The following PAK3 variants were observed in gnomAD, a reference collection of about 807,000 sequenced individuals.
The protein encoded by PAK3 is p21 (RAC1) activated kinase 3.
In PAK3, 4 loss-of-function variants were observed where a neutral mutation model predicts 41.0. The observed-to-expected ratio is 0.10, with a 90% CI of 0.05 to 0.22. PAK3 has a LOEUF of 0.22. PAK3 is among the 10% of genes least tolerant of loss of function. PAK3 has a pLI of 1.00. For synonymous variants in PAK3, 146 were observed against 139.6 expected (o/e 1.05, Z -0.32); for missense variants, 205 against 409.9 (o/e 0.50, Z 4.32).
chrX:111,106,532 C>T (rs2093269536), intron 4 of PAK3, among the ~76,000 whole-genome samples: 1 of 111,421 alleles, frequency 9.0e-6, no homozygotes, highest in Admixed American at 9.5e-5. Context: ...TTAACTACCA[C>T]TGAGATAATC....
At chrX:111,068,291 G>T (rs2092715926) in intron 1 of PAK3, among the ~76,000 whole-genome samples, 1 of 110,639 alleles carries the variant, frequency 9.0e-6, no homozygotes, top group Admixed American at 9.6e-5. Flanking sequence ...ATTCCCATAG[G>T]CTTGTTTTAT....
intron 5 of PAK3, among the ~76,000 whole-genome samples, chrX:111,125,542 T>C (rs2149014919): frequency 9.0e-6 from 1 of 111,436 alleles, no homozygotes; most frequent in African/African-American, 3.3e-5. Context: ...GATTAAAACC[T>C]CCCTAAGAAG....
chrX:111,014,590 T>C (rs1206402809), intron 1 of PAK3, among the ~76,000 whole-genome samples: 1 of 111,312 alleles, frequency 9.0e-6, no homozygotes, highest in African/African-American at 3.3e-5. Flanking sequence ...AAACTGCCTC[T>C]CCCATGAGAC....
At chrX:110,980,522 T>C (rs1476497208) in intron 1 of PAK3, among the ~76,000 whole-genome samples, 1 of 111,220 alleles carries the variant, frequency 9.0e-6, no homozygotes, top group Non-Finnish European at 1.9e-5. Flanking sequence ...TTCTGTCTAT[T>C]GTAGGGGCCA....
chrX:110,955,093 G>A (rs757362946), intron 1 of PAK3, among the ~76,000 whole-genome samples: 2 of 112,059 alleles, frequency 1.8e-5, no homozygotes, highest in Non-Finnish European at 3.8e-5. Flanking sequence ...AAGGATATTT[G>A]GCATCCAGCA....
intron 4 of PAK3, among the ~76,000 whole-genome samples, chrX:111,111,882 C>T (rs1188681543): frequency 9.0e-6 from 1 of 111,499 alleles, no homozygotes; most frequent in Non-Finnish European, 1.9e-5. Flanking sequence ...GGCATCTCTA[C>T]CATCTTTGGC....
intron 1 of PAK3, among the ~76,000 whole-genome samples, chrX:111,057,327 A>C (rs1455315355): frequency 8.9e-6 from 1 of 111,994 alleles, no homozygotes; most frequent in East Asian, 2.8e-4. Flanking sequence ...ATAATTTACA[A>C]TGCATATCCA....
rs1017719713 is a variant in PAK3 at position 111,200,939 on chromosome X, T to A, written c.1407+4299T>A. On this transcript the variant is annotated intron_variant, in intron 16 of 17. Transcript: ENST00000372007. ...AGTTTTAATCTTTATAGGCATCTTCTAGCCTAGGATTAGAACTCACAATTA... is the reference window on the plus strand; with the variant it reads ...AGTTTTAATCTTTATAGGCATCTTCAAGCCTAGGATTAGAACTCACAATTA... 7.1e-5 allele frequency among the ~76,000 whole-genome samples: 8 copies of A among 112,544 alleles called. No individual in the cohort carries two copies. In the Admixed American group the frequency reaches 7.5e-4, roughly 11 times the overall value.
chrX:110,946,652 G>C (rs1050192470), intron 1 of PAK3, among the ~76,000 whole-genome samples: 4 of 112,064 alleles, frequency 3.6e-5, no homozygotes, highest in Non-Finnish European at 7.5e-5. Flanking sequence ...TCCATGAATG[G>C]ATAAAGACAG....
At chrX:111,213,595 C>A (rs953989904) in intron 16 of PAK3, among the ~76,000 whole-genome samples, 1 of 111,411 alleles carries the variant, frequency 9.0e-6, no homozygotes, top group African/African-American at 3.3e-5. Context: ...GAATACAGAT[C>A]TACAGAGAGC....
intron 4 of PAK3, among the ~76,000 whole-genome samples, chrX:111,104,158 A>G (rs765458494): frequency 1.8e-5 from 2 of 111,391 alleles, no homozygotes; most frequent in African/African-American, 6.5e-5. Flanking sequence ...CCTTTCAGGC[A>G]GGCATTATAA....
intron 4 of PAK3, among the ~76,000 whole-genome samples, chrX:111,104,822 C>G (rs1296884452): frequency 9.0e-6 from 1 of 110,962 alleles, no homozygotes; most frequent in African/African-American, 3.3e-5. Flanking sequence ...TAGGTATTAT[C>G]ATCATTACTG....
At chrX:111,103,056 T>TGTGA (rs768192760) in intron 3 of PAK3, 103 bp from the exon 4 acceptor site, 8 of 105,302 alleles carry the variant, frequency 7.6e-5, no homozygotes, top group South Asian at 8.1e-4. Flanking sequence ...TGTGTGTGTG[T>TGTGA]GAGAGAGAGA....
intron 8 of PAK3, among the ~76,000 whole-genome samples, chrX:111,160,513 C>T (rs185725094): frequency 0.062 from 6,696 of 108,531 alleles, 580 homozygotes; most frequent in African/African-American, 0.22. Context: ...ATGTGCACAA[C>T]GTGCAGGTTT....
At chrX:111,027,993 A>T (rs1390889161) in intron 1 of PAK3, among the ~76,000 whole-genome samples, 1 of 106,667 alleles carries the variant, frequency 9.4e-6, no homozygotes, top group East Asian at 2.9e-4. Context: ...TATAATATAT[A>T]TGTGTGTGTG....
At chrX:111,179,974 T>A (rs767640864) in intron 11 of PAK3, among the ~76,000 whole-genome samples, 1 of 110,581 alleles carries the variant, frequency 9.0e-6, no homozygotes, top group Non-Finnish European at 1.9e-5. Flanking sequence ...GCCAGGCTGG[T>A]CTTGAACTCC....
chrX:111,106,875 T>G (rs2093277241), intron 4 of PAK3, among the ~76,000 whole-genome samples: 1 of 111,557 alleles, frequency 9.0e-6, no homozygotes, highest in Non-Finnish European at 1.9e-5. Context: ...GGAGTAGAAT[T>G]TATGTCTAGG....
chrX:111,120,783 G>T (rs754430206), intron 4 of PAK3, among the ~76,000 whole-genome samples: 2 of 111,692 alleles, frequency 1.8e-5, no homozygotes, highest in South Asian at 7.5e-4. Flanking sequence ...TTTTTACCAA[G>T]CTAGATTTTG....
At chrX:111,018,294 A>G (rs909431659) in intron 1 of PAK3, among the ~76,000 whole-genome samples, 10 of 111,809 alleles carry the variant, frequency 8.9e-5, no homozygotes, top group Admixed American at 9.5e-5. Context: ...AAGAAAAAGT[A>G]ACATTATCTC....
Sources: gnomAD v4.1 joint callset for allele counts (sites outside exome capture counted in the v4.1 genomes callset) on GRCh38, gnomAD v4.1.1 for gene constraint, MANE v1.5 for transcripts, NCBI Gene and HGNC (gene_info 2026-07-23, HGNC 2026-07-21) for gene names.